FRRS1: variants seen among roughly 807,000 people sequenced by gnomAD.
FRRS1 encodes ferric chelate reductase 1.
Under a neutral mutation model 70.7 loss-of-function variants are expected in FRRS1, and 51 were observed. That is an observed-to-expected ratio of 0.72 (90% CI 0.58 to 0.91). FRRS1 has a LOEUF of 0.91. FRRS1 is among the 40% of genes least tolerant of loss of function. The probability of loss-of-function intolerance (pLI) is 0.00; values close to 1 mark genes in which losing one functional copy is unlikely to be tolerated. For missense variants in FRRS1, 672 were observed against 726.0 expected (o/e 0.93, Z 0.86); for synonymous variants, 225 against 238.7 (o/e 0.94, Z 0.53).
At chr1:99,735,995 A>G (rs1253121653) in intron 7 of FRRS1, among the ~76,000 whole-genome samples, 2 of 152,194 alleles carry the variant, frequency 1.3e-5, no homozygotes, top group Admixed American at 6.5e-5. Context: ...TAACTCAGAG[A>G]TGAACCTTAA....
At chr1:99,732,809 T>C (rs1164934869) in intron 7 of FRRS1, among the ~76,000 whole-genome samples, 2 of 151,106 alleles carry the variant, frequency 1.3e-5, no homozygotes, top group Non-Finnish European at 2.9e-5. Context: ...ATTACTAAAG[T>C]TTTGCCAAAG....
chr1:99,742,217 C>G lies in FRRS1; in HGVS notation c.390G>C (p.Trp130Cys), dbSNP rs749000356. Residue 130 changes from tryptophan to cysteine, a missense_variant, in exon 5 of 17, where the codon TGG (tryptophan) becomes TGC (cysteine). Transcript: ENST00000646001. ...GATTTGGAGCACTGCTTGGAGCATT[C>G]CAGTAGACTTTAATTTCTGTTTTTT... ...ASKKTEIKVY[W>C]NAPSSAPNHT... The G allele has an allele frequency of 5.0e-6, 8 of 1,611,938 alleles. No homozygotes were observed. In the East Asian group the frequency reaches 1.8e-4, roughly 36 times the overall value.
At chr1:99,753,294 G>A (rs1309956775) in intron 1 of FRRS1, among the ~76,000 whole-genome samples, 1 of 148,358 alleles carries the variant, frequency 6.7e-6, no homozygotes, top group African/African-American at 2.5e-5. Context: ...GGAAGGGCAG[G>A]AAGATTGCTT....
At chr1:99,758,699 C>A (rs992606640) in intron 1 of FRRS1, among the ~76,000 whole-genome samples, 1 of 152,122 alleles carries the variant, frequency 6.6e-6, no homozygotes, top group Admixed American at 6.5e-5. Context: ...AACATAAGGT[C>A]TGACTGCCTG....
At chr1:99,746,105 AG>A (rs1656250844) in intron 4 of FRRS1, among the ~76,000 whole-genome samples, 1 of 152,230 alleles carries the variant, frequency 6.6e-6, no homozygotes, top group Non-Finnish European at 1.5e-5. Context: ...TTAGCAACAC[AG>A]GAACAGCCTA....
rs1654055736 is a variant in FRRS1, at chr1:99,707,080, C to A, written c.*1948G>T. ...AATTTAGATTATAAGTAGCATGGCA[C>A]ATATAGAATATGAACACAGAAAGTT... On this transcript the variant is annotated 3_prime_UTR_variant, in exon 17 of 17. Transcript: ENST00000646001. Among the ~76,000 whole-genome samples the A allele has an allele frequency of 6.6e-6, 1 of 151,906 alleles. No homozygotes were observed. The highest frequency in any genetic ancestry group is 2.4e-5 in the African/African-American group (1 of 41,350).
At chr1:99,713,815 G>T (rs1480958477) in intron 12 of FRRS1, among the ~76,000 whole-genome samples, 2 of 152,152 alleles carry the variant, frequency 1.3e-5, no homozygotes, top group Non-Finnish European at 2.9e-5. Context: ...AATATGACAA[G>T]TAAGTAAATT....
intron 1 of FRRS1, among the ~76,000 whole-genome samples, chr1:99,763,193 C>T (rs1053847740): frequency 2.0e-5 from 3 of 152,130 alleles, no homozygotes; most frequent in Admixed American, 2.0e-4. Flanking sequence ...AATGTGCCAT[C>T]TGCTATTCCA....
chr1:99,743,317 A>G (rs1374185191), intron 4 of FRRS1, among the ~76,000 whole-genome samples: 1 of 152,220 alleles, frequency 6.6e-6, no homozygotes, highest in Non-Finnish European at 1.5e-5. Context: ...TTCAAACTAC[A>G]GTTGACCCTT....
chr1:99,739,078 C>A (rs1032255207), intron 6 of FRRS1, among the ~76,000 whole-genome samples: 3 of 152,142 alleles, frequency 2.0e-5, no homozygotes, highest in African/African-American at 7.2e-5. Context: ...GAACAAGCCA[C>A]TGGGGAATTA....
At chr1:99,741,711 T>A (rs1244502978) in intron 5 of FRRS1, among the ~76,000 whole-genome samples, 1 of 152,240 alleles carries the variant, frequency 6.6e-6, no homozygotes, top group African/African-American at 2.4e-5. Flanking sequence ...CTCATGCTAA[T>A]ACAGGAGCCA....
intron 8 of FRRS1, 102 bp from the exon 9 acceptor site, chr1:99,728,742 C>G: frequency 1.1e-6 from 1 of 921,068 alleles, no homozygotes; most frequent in Non-Finnish European, 1.6e-6. Flanking sequence ...TCTCTAAGAT[C>G]GTATGTCCAT....
chr1:99,721,909 T>C lies in FRRS1; in HGVS notation c.1007-2262A>G, dbSNP rs550613924. The stretch of plus-strand genomic sequence containing the variant: ...ACCACGCCCGGTCGAAAAATTCTTT[T>C]TAATTAGTCAAATATTTCCATCCAA... On this transcript the variant is annotated intron_variant, in intron 9 of 16. Coordinates refer to ENST00000646001, the MANE Select transcript of FRRS1 (RefSeq NM_001361041.2). 9.2e-5 allele frequency among the ~76,000 whole-genome samples: 14 copies of C among 152,278 alleles called. No homozygotes were observed. The East Asian group carries it at 2.7e-3, about 29-fold the overall frequency.
At chr1:99,740,297 C>T (rs1655887950) in intron 6 of FRRS1, among the ~76,000 whole-genome samples, 1 of 152,184 alleles carries the variant, frequency 6.6e-6, no homozygotes, top group African/African-American at 2.4e-5. Context: ...AGGTGAATGT[C>T]ATGACCAAAC....
At chr1:99,726,938 C>T (rs560623500) in intron 9 of FRRS1, among the ~76,000 whole-genome samples, 1 of 152,256 alleles carries the variant, frequency 6.6e-6, no homozygotes, top group South Asian at 2.1e-4. Flanking sequence ...TGGTCTGGAA[C>T]TCCTGGGCTC....
intron 1 of FRRS1, among the ~76,000 whole-genome samples, chr1:99,760,732 C>G (rs1324989891): frequency 6.6e-6 from 1 of 152,142 alleles, no homozygotes; most frequent in African/African-American, 2.4e-5. Flanking sequence ...TCACTGCAAC[C>G]TCCGCTTCCT....
chr1:99,730,288 T>G (rs772623343), intron 7 of FRRS1, among the ~76,000 whole-genome samples: 2 of 152,210 alleles, frequency 1.3e-5, no homozygotes, highest in Non-Finnish European at 2.9e-5. Flanking sequence ...CTACATAGTG[T>G]ACATATTCAA....
At chr1:99,719,419 A>AT (rs1654696914) in intron 10 of FRRS1, 115 bp downstream of exon 10, 2 of 635,958 alleles carry the variant, frequency 3.1e-6, no homozygotes. Context: ...AAAAAAAAAA[A>AT]AAAAAAAATG....
intron 1 of FRRS1, among the ~76,000 whole-genome samples, chr1:99,760,948 C>G (rs1657087331): frequency 6.6e-6 from 1 of 151,730 alleles, no homozygotes; most frequent in Non-Finnish European, 1.5e-5. Context: ...ATGCGCCTGG[C>G]CAGTAGGAAA....
Sources: allele counts gnomAD v4.1 joint callset (sites outside exome capture counted in the v4.1 genomes callset), GRCh38; gene constraint gnomAD v4.1.1; transcripts MANE v1.5; gene names NCBI Gene and HGNC (gene_info 2026-07-23, HGNC 2026-07-21).